Variants in PIGN observed in about 807,000 individuals in gnomAD.
The protein encoded by PIGN is GPI ethanolamine phosphate transferase 1.
PIGN carries 117 observed loss-of-function variants against 125.4 expected under a neutral mutation model. The observed-to-expected ratio is 0.93, with a 90% CI of 0.80 to 1.09. The LOEUF (loss-of-function observed/expected upper bound fraction) is 1.09, where lower values mean the gene tolerates loss of function less well. PIGN is among the 50% of genes least tolerant of loss of function. PIGN has a pLI of 0.00. For missense variants in PIGN, 1,075 were observed against 1,094.9 expected (o/e 0.98, Z 0.26); for synonymous variants, 392 against 377.8 (o/e 1.04, Z -0.44).
intron 30 of PIGN, among the ~76,000 whole-genome samples, chr18:62,058,486 G>A (rs1432337572): frequency 1.3e-5 from 2 of 152,106 alleles, no homozygotes; most frequent in African/African-American, 4.8e-5. Flanking sequence ...AATGAATCTG[G>A]TTATCTCTGA....
intron 23 of PIGN, among the ~76,000 whole-genome samples, chr18:62,092,133 T>A (rs1206638654): frequency 6.6e-6 from 1 of 152,082 alleles, no homozygotes; most frequent in African/African-American, 2.4e-5. Flanking sequence ...TATATAAGAC[T>A]TAGAAGGCCC....
At chr18:62,121,439 T>C (rs577618701) in intron 14 of PIGN, among the ~76,000 whole-genome samples, 1 of 152,310 alleles carries the variant, frequency 6.6e-6, no homozygotes, top group Admixed American at 6.5e-5. Context: ...TATTATTCAA[T>C]AAATATTGAA....
At chr18:62,037,682 G>A (rs1351765296), downstream of PIGN, among the ~76,000 whole-genome samples, 1 of 152,226 alleles carries the variant, frequency 6.6e-6, no homozygotes, top group Admixed American at 6.5e-5. Flanking sequence ...GTGAGCTGGA[G>A]AGACCTTTGA....
chr18:62,111,748 G>A (rs1428747766), intron 16 of PIGN, among the ~76,000 whole-genome samples: 1 of 152,146 alleles, frequency 6.6e-6, no homozygotes, highest in Non-Finnish European at 1.5e-5. Flanking sequence ...ATCAGCTGTT[G>A]ATAGTGTATT....
intron 30 of PIGN, among the ~76,000 whole-genome samples, chr18:62,068,574 C>G (rs918087648): frequency 2.6e-5 from 4 of 152,108 alleles, no homozygotes; most frequent in Non-Finnish European, 5.9e-5. Context: ...CAGATCCTAC[C>G]CCTGAAACTT....
At chr18:62,108,328 T>C (rs769808657) in intron 17 of PIGN, among the ~76,000 whole-genome samples, 2 of 152,086 alleles carry the variant, frequency 1.3e-5, no homozygotes, top group Non-Finnish European at 2.9e-5. Context: ...TAAATATATA[T>C]GTTTTCTTCA....
chr18:62,105,889 T>C (rs1000004880), intron 19 of PIGN, among the ~76,000 whole-genome samples: 2 of 152,210 alleles, frequency 1.3e-5, no homozygotes, highest in Non-Finnish European at 2.9e-5. Flanking sequence ...CATTTAATTC[T>C]CACAATAACC....
intron 30 of PIGN, among the ~76,000 whole-genome samples, chr18:62,061,936 T>C (rs1489693172): frequency 1.3e-5 from 2 of 152,138 alleles, no homozygotes; most frequent in African/African-American, 4.8e-5. Context: ...TCCCCACCAT[T>C]ATCCAAGCCT....
At chr18:62,071,416 G>A (rs959519152) in intron 30 of PIGN, among the ~76,000 whole-genome samples, 3 of 152,106 alleles carry the variant, frequency 2.0e-5, no homozygotes, top group African/African-American at 7.2e-5. Flanking sequence ...ATGTGCTAAT[G>A]CCAAGAATTG....
intron 30 of PIGN, among the ~76,000 whole-genome samples, chr18:62,071,905 T>C (rs2032893975): frequency 9.0e-6 from 1 of 111,702 alleles, no homozygotes; most frequent in South Asian, 3.0e-4. Flanking sequence ...TATATATATA[T>C]ATATAAATTT....
chr18:62,122,614 A>G (rs1232935917), intron 14 of PIGN, among the ~76,000 whole-genome samples: 1 of 152,194 alleles, frequency 6.6e-6, no homozygotes, highest in Admixed American at 6.5e-5. Flanking sequence ...ACATAATTTA[A>G]TATGGTGAAG....
intron 16 of PIGN, chr18:62,112,903 CCT>C: frequency 2.2e-6 from 1 of 461,456 alleles, no homozygotes; most frequent in South Asian, 5.6e-5. Context: ...ATTACTTACA[CCT>C]CTATCTTTAT....
chr18:62,103,738 G>A (rs966044802), intron 20 of PIGN: 1 of 152,120 alleles, frequency 6.6e-6, no homozygotes, highest in African/African-American at 2.4e-5. Context: ...ATGCAAAGCA[G>A]GAATCCCCAG....
intron 23 of PIGN, among the ~76,000 whole-genome samples, chr18:62,026,245 A>G (rs1357002819): frequency 6.6e-6 from 1 of 152,206 alleles, no homozygotes; most frequent in African/African-American, 2.4e-5. Flanking sequence ...AGCTTCTTGA[A>G]ATGTGAATTT....
At chr18:62,152,871 T>A (rs201576643) in intron 7 of PIGN, among the ~76,000 whole-genome samples, 1,385 of 25,114 alleles carry the variant, frequency 0.055, 20 homozygotes, top group African/African-American at 0.091. Context: ...TATATATATT[T>A]TTTTTTTTAA....
chr18:62,039,763 C>G (rs1291326739), downstream of PIGN, among the ~76,000 whole-genome samples: 1 of 87,012 alleles, frequency 1.1e-5, no homozygotes. Context: ...GTGCCGCACC[C>G]CATGTTTAGG....
At chr18:62,107,114 T>G (rs747401935) in intron 17 of PIGN, 29 bp from the exon 18 acceptor site, 9 of 1,410,666 alleles carry the variant, frequency 6.4e-6, no homozygotes, top group Non-Finnish European at 8.8e-6. Flanking sequence ...CTGATTGAAT[T>G]TTAAAGTTAG....
At chr18:62,073,289 G>A (rs2032995280) in intron 29 of PIGN, among the ~76,000 whole-genome samples, 1 of 151,974 alleles carries the variant, frequency 6.6e-6, no homozygotes, top group African/African-American at 2.4e-5. Flanking sequence ...TGATTAGAAT[G>A]GAAGGGAAGG....
At chr18:62,073,066 T>C (rs1213420130) in intron 29 of PIGN, among the ~76,000 whole-genome samples, 1 of 152,184 alleles carries the variant, frequency 6.6e-6, no homozygotes, top group East Asian at 1.9e-4. Flanking sequence ...AAATATTTAC[T>C]GTACTGACTA....
Sources: gnomAD v4.1 joint callset for allele counts (sites outside exome capture counted in the v4.1 genomes callset) on GRCh38, gnomAD v4.1.1 for gene constraint, MANE v1.5 for transcripts, NCBI Gene and HGNC (gene_info 2026-07-23, HGNC 2026-07-21) for gene names.